RALYL: variants seen among roughly 807,000 people sequenced by gnomAD.
The protein encoded by RALYL is RNA-binding Raly-like protein.
RALYL carries 29 observed loss-of-function variants against 35.1 expected under a neutral mutation model. The observed-to-expected ratio is 0.83, with a 90% CI of 0.61 to 1.13. The LOEUF is 1.13. Among genes scored for constraint, RALYL ranks in the 50% most tolerant of loss-of-function variants. The pLI is 0.00. For missense variants in RALYL, 359 were observed against 360.4 expected (o/e 1.00, Z 0.03); for synonymous variants, 120 against 127.6 (o/e 0.94, Z 0.40).
chr8:84,708,291 T>G (rs1335909028), intron 2 of RALYL, among the ~76,000 whole-genome samples: 2 of 152,232 alleles, frequency 1.3e-5, no homozygotes, highest in Non-Finnish European at 2.9e-5. Context: ...ATGTGGGGCT[T>G]TGAAATTCAT....
In RALYL at chr8:84,816,053, G is replaced by GAAAA. The variant is rs796092174; in HGVS notation, c.365+11255_365+11258dup. Among the ~76,000 whole-genome samples, 4 of 125,256 alleles carry GAAAA rather than the reference G, an allele frequency of 3.2e-5. No homozygotes were observed. The South Asian group carries it at 1.1e-3, about 33-fold the overall frequency. The allele number at this position is 125,256 out of a possible 152,430, so 82.2% of individuals were successfully genotyped here. ...GTCTCAAAAAAAAAAAAAAAAAAAA[G>GAAAA]AAAAAAAGAAAAGAAAGGTGAATAA... On this transcript the variant is annotated intron_variant, in intron 4 of 8. Coordinates refer to ENST00000521268, the MANE Select transcript of RALYL (RefSeq NM_173848.7).
At chr8:84,417,187 T>A (rs2044812788) in intron 1 of RALYL, among the ~76,000 whole-genome samples, 1 of 151,944 alleles carries the variant, frequency 6.6e-6, no homozygotes, top group African/African-American at 2.4e-5. Flanking sequence ...CTATAATATG[T>A]GCTCTGGTTA....
chr8:84,788,670 T>A (rs1181445127), intron 3 of RALYL, among the ~76,000 whole-genome samples: 5 of 152,122 alleles, frequency 3.3e-5, no homozygotes, highest in Non-Finnish European at 7.4e-5. Flanking sequence ...GTCTCACAGT[T>A]CAGCGCAGTC....
chr8:84,228,729 A>G (rs937251622), intron 1 of RALYL, among the ~76,000 whole-genome samples: 1 of 152,144 alleles, frequency 6.6e-6, no homozygotes, highest in East Asian at 1.9e-4. Flanking sequence ...TAACTCACAG[A>G]TCTGCATGGC....
At chr8:84,830,657 A>G (rs924944243) in intron 4 of RALYL, among the ~76,000 whole-genome samples, 12 of 152,218 alleles carry the variant, frequency 7.9e-5, no homozygotes, top group African/African-American at 2.7e-4. Context: ...TAAACATTGA[A>G]TATTGACCTA....
intron 2 of RALYL, among the ~76,000 whole-genome samples, chr8:84,537,586 T>C (rs1481146642): frequency 6.6e-6 from 1 of 152,160 alleles, no homozygotes; most frequent in African/African-American, 2.4e-5. Flanking sequence ...ACAAATCACT[T>C]TTGTTTCATC....
chr8:84,309,873 C>T (rs1027984121), intron 1 of RALYL, among the ~76,000 whole-genome samples: 5 of 151,982 alleles, frequency 3.3e-5, no homozygotes, highest in Non-Finnish European at 7.4e-5. Context: ...CTGCAACCCC[C>T]GCCACCACGA....
At chr8:84,801,618 A>G (rs1238094714) in intron 3 of RALYL, among the ~76,000 whole-genome samples, 3 of 152,242 alleles carry the variant, frequency 2.0e-5, no homozygotes, top group African/African-American at 7.2e-5. Context: ...TAAATAGATC[A>G]TGCATGGGAA....
chr8:84,303,396 T>C (rs1370018793), intron 1 of RALYL, among the ~76,000 whole-genome samples: 1 of 152,206 alleles, frequency 6.6e-6, no homozygotes, highest in Non-Finnish European at 1.5e-5. Flanking sequence ...ATTTAATAGC[T>C]TTACAAGTGT....
intron 1 of RALYL, among the ~76,000 whole-genome samples, chr8:84,309,665 A>C (rs1327386795): frequency 1.3e-5 from 2 of 152,218 alleles, no homozygotes; most frequent in Non-Finnish European, 2.9e-5. Context: ...AATTTATGGA[A>C]ACATGGACCT....
At chr8:84,779,791 C>T (rs928245281) in intron 3 of RALYL, among the ~76,000 whole-genome samples, 1 of 152,198 alleles carries the variant, frequency 6.6e-6, no homozygotes, top group African/African-American at 2.4e-5. Flanking sequence ...GATTCATTCA[C>T]CACTGGACCT....
At chr8:84,815,926 C>T (rs1484383419) in intron 4 of RALYL, among the ~76,000 whole-genome samples, 3 of 147,916 alleles carry the variant, frequency 2.0e-5, no homozygotes, top group Admixed American at 1.4e-4. Flanking sequence ...CCTAGCTACT[C>T]GGGAGGTTGA....
intron 3 of RALYL, among the ~76,000 whole-genome samples, chr8:84,797,789 ACTC>A (rs1822295321): frequency 6.6e-6 from 1 of 151,908 alleles, no homozygotes; most frequent in Non-Finnish European, 1.5e-5. Flanking sequence ...CTCAATTCCT[ACTC>A]CTTGCTGGCT....
chr8:84,184,133 T>A lies in RALYL; in HGVS notation c.-315T>A, dbSNP rs951685676. ...TTGATACCCATTGATAACATGAAACTTTTCTTACAGCTGGTGATTGGGATC... is the reference window on the plus strand; with the variant it reads ...TTGATACCCATTGATAACATGAAACATTTCTTACAGCTGGTGATTGGGATC... On this transcript the variant is annotated 5_prime_UTR_variant, in exon 1 of 9. Transcript: ENST00000521268. 6.6e-6 allele frequency: 1 copy of A among 152,200 alleles called. No homozygotes were observed. The highest frequency in any genetic ancestry group is 1.5e-5 in the Non-Finnish European group (1 of 68,032). 9.4% of individuals were successfully genotyped at this position (152,200 alleles called of 1,614,324 possible). A position where few individuals can be genotyped will look rare whatever the true frequency, so the allele number is the denominator to read the frequency against.
chr8:84,259,782 T>C (rs908619220), intron 1 of RALYL, among the ~76,000 whole-genome samples: 5 of 152,140 alleles, frequency 3.3e-5, no homozygotes, highest in Non-Finnish European at 5.9e-5. Context: ...GTGTATAATA[T>C]AAAACTTAGT....
chr8:84,893,410 T>C (rs1844207462), intron 8 of RALYL, among the ~76,000 whole-genome samples: 1 of 152,218 alleles, frequency 6.6e-6, no homozygotes, highest in Admixed American at 6.5e-5. Flanking sequence ...CAAATCTGTA[T>C]TCCCCTTTAT....
intron 7 of RALYL, among the ~76,000 whole-genome samples, chr8:84,874,861 A>G (rs975106852): frequency 6.6e-6 from 1 of 152,214 alleles, no homozygotes; most frequent in Non-Finnish European, 1.5e-5. Context: ...AATTGGAGTT[A>G]TCAAGGACTA....
chr8:84,556,500 C>CAA (rs199985575), intron 2 of RALYL, among the ~76,000 whole-genome samples: 1 of 149,802 alleles, frequency 6.7e-6, no homozygotes, highest in African/African-American at 2.4e-5. Flanking sequence ...TTGTAAAAGA[C>CAA]AAAAAAAAAT....
chr8:84,695,512 CT>C (rs959981226), intron 2 of RALYL, among the ~76,000 whole-genome samples: 1 of 151,736 alleles, frequency 6.6e-6, no homozygotes, highest in African/African-American at 2.4e-5. Context: ...GATATTTTAA[CT>C]GGTAGTTTTA....
Sources: gnomAD v4.1 joint callset for allele counts (sites outside exome capture counted in the v4.1 genomes callset) on GRCh38, gnomAD v4.1.1 for gene constraint, MANE v1.5 for transcripts, NCBI Gene and HGNC (gene_info 2026-07-23, HGNC 2026-07-21) for gene names.